DMD: variants seen among roughly 807,000 people sequenced by gnomAD.
The protein encoded by DMD is mutant dystrophin.
A neutral mutation model predicts 330.1 loss-of-function variants in DMD; 63 were observed. The ratio of observed to expected loss-of-function variants is 0.19; its 90% CI spans 0.16 to 0.24. DMD has a LOEUF of 0.24. Ranked by LOEUF, DMD falls within the 10% of genes least tolerant of loss-of-function variation. DMD has a pLI of 1.00. For synonymous variants in DMD, 1,223 were observed against 959.8 expected (o/e 1.27, Z -5.07); for missense variants, 3,344 against 2,684.1 (o/e 1.25, Z -5.43).
intron 30 of DMD, among the ~76,000 whole-genome samples, chrX:32,404,893 T>C (rs1196745756): frequency 9.0e-6 from 1 of 111,435 alleles, no homozygotes; most frequent in Non-Finnish European, 1.9e-5. Context: ...AACATTCTTT[T>C]TGTCTAAATT....
chrX:31,924,881 T>C (rs1357014736), intron 47 of DMD, among the ~76,000 whole-genome samples: 1 of 112,053 alleles, frequency 8.9e-6, no homozygotes, highest in African/African-American at 3.2e-5. Flanking sequence ...ATTTTATGTG[T>C]AGATAGTAAA....
intron 26 of DMD, among the ~76,000 whole-genome samples, chrX:32,452,971 A>AT (rs1159557831): frequency 9.0e-6 from 1 of 110,702 alleles, no homozygotes; most frequent in African/African-American, 3.3e-5. Context: ...TTCCATAAAG[A>AT]TTTTTTTAAG....
chrX:32,685,102 A>C (rs1382801754), intron 9 of DMD, among the ~76,000 whole-genome samples: 1 of 111,588 alleles, frequency 9.0e-6, no homozygotes, highest in Non-Finnish European at 1.9e-5. Context: ...TCTAGGATCA[A>C]GTGGCCAATA....
intron 9 of DMD, among the ~76,000 whole-genome samples, chrX:32,665,972 G>A (rs2061275697): frequency 9.0e-6 from 1 of 111,336 alleles, no homozygotes; most frequent in Non-Finnish European, 1.9e-5. Context: ...TCCAGTGAAT[G>A]ACAGTATGTA....
At chrX:32,672,947 A>T (rs2061722704) in intron 9 of DMD, among the ~76,000 whole-genome samples, 1 of 111,362 alleles carries the variant, frequency 9.0e-6, no homozygotes, top group Non-Finnish European at 1.9e-5. Context: ...ACATAAGCCA[A>T]TAATTCCCAA....
At chrX:31,980,843 A>G (rs907486152) in intron 44 of DMD, among the ~76,000 whole-genome samples, 2 of 112,104 alleles carry the variant, frequency 1.8e-5, no homozygotes, top group Non-Finnish European at 3.8e-5. Flanking sequence ...TTCATCTTAT[A>G]TAAAATTTTA....
rs1160282195 is a variant in DMD at position 32,418,972 on chromosome X, C to CAAAAAA, written c.4072-7065_4072-7060dup. Among the ~76,000 whole-genome samples the CAAAAAA allele has an allele frequency of 8.9e-3, 120 of 13,498 alleles. 12 individuals are homozygous for CAAAAAA. Among genetic ancestry groups the CAAAAAA allele is most frequent in the African/African-American group, 0.025 (112 of 4,474 alleles). 11.7% of individuals were successfully genotyped at this position (13,498 alleles called of 115,157 possible). A position where few individuals can be genotyped will look rare whatever the true frequency, so the allele number is the denominator to read the frequency against. On this transcript the variant is annotated intron_variant, in intron 29 of 78. Transcript: ENST00000357033. Reference sequence around the variant, plus strand: ...TGGGTGACAGAGTGAGACTCTGTCTCAAAAAAAAAAAAAAAAAAAAAAAAA... The same window carrying CAAAAAA: ...TGGGTGACAGAGTGAGACTCTGTCTCAAAAAAAAAAAAAAAAAAAAAAAAAAAAAAA...
At chrX:32,879,114 C>A (rs1489662463) in intron 2 of DMD, among the ~76,000 whole-genome samples, 1 of 111,280 alleles carries the variant, frequency 9.0e-6, no homozygotes. Context: ...GTGTATCAAG[C>A]CTTTTTATTC....
At chrX:33,008,744 AC>A (rs1020161996) in intron 2 of DMD, among the ~76,000 whole-genome samples, 17 of 78,306 alleles carry the variant, frequency 2.2e-4, no homozygotes, top group African/African-American at 8.1e-4. Context: ...ATATATATAT[AC>A]ATCAGATAAG....
chrX:32,717,423 G>C (rs1427727911), intron 7 of DMD, among the ~76,000 whole-genome samples: 1 of 111,750 alleles, frequency 8.9e-6, no homozygotes, highest in Non-Finnish European at 1.9e-5. Context: ...CTTCCATGTG[G>C]TGTTAATCCT....
intron 60 of DMD, among the ~76,000 whole-genome samples, chrX:31,375,330 T>C (rs2059831994): frequency 9.0e-6 from 1 of 111,726 alleles, no homozygotes; most frequent in East Asian, 2.8e-4. Flanking sequence ...TGCGCAGTCA[T>C]GCCCCTTTCA....
intron 16 of DMD, among the ~76,000 whole-genome samples, chrX:32,560,584 T>C (rs1310332911): frequency 9.0e-6 from 1 of 110,990 alleles, no homozygotes; most frequent in Admixed American, 9.7e-5. Context: ...TTTTTCCTGA[T>C]GCTCTCCTCC....
At chrX:33,282,331 C>A (rs926488619) in intron 1 of DMD, among the ~76,000 whole-genome samples, 2 of 111,750 alleles carry the variant, frequency 1.8e-5, no homozygotes, top group Non-Finnish European at 3.8e-5. Context: ...CTATTGGGAA[C>A]AGACAGTGCT....
At chrX:31,416,231 A>G (rs2061865495) in intron 60 of DMD, among the ~76,000 whole-genome samples, 2 of 112,062 alleles carry the variant, frequency 1.8e-5, no homozygotes, top group African/African-American at 6.5e-5. Flanking sequence ...CTACTACTAT[A>G]TATCTCTGTG....
chrX:33,106,781 A>C (rs1405861784), intron 1 of DMD, among the ~76,000 whole-genome samples: 1 of 111,873 alleles, frequency 8.9e-6, no homozygotes, highest in Non-Finnish European at 1.9e-5. Flanking sequence ...TGTGGCTGAC[A>C]GGCATTAGAA....
intron 60 of DMD, among the ~76,000 whole-genome samples, chrX:31,374,882 G>A (rs66653182): frequency 0.047 from 5,171 of 111,037 alleles, 308 homozygotes; most frequent in African/African-American, 0.16. Context: ...AGTAGACACC[G>A]TGGCGCTCCA....
chrX:31,435,790 T>C (rs979797357), intron 60 of DMD: 2 of 111,538 alleles, frequency 1.8e-5, no homozygotes, highest in Non-Finnish European at 1.9e-5. Context: ...GTGTTTCACA[T>C]GCAGCGCAGC....
intron 62 of DMD, among the ~76,000 whole-genome samples, chrX:31,314,939 G>A (rs1371840297): frequency 9.0e-6 from 1 of 111,357 alleles, no homozygotes. Flanking sequence ...CCAGGTCAGT[G>A]TTCAAAGGAC....
At chrX:32,245,882 T>C (rs1190579538) in intron 43 of DMD, among the ~76,000 whole-genome samples, 4,017 of 101,186 alleles carry the variant, frequency 0.04, 99 homozygotes, top group Non-Finnish European at 0.061. Context: ...TGGGGTTTTC[T>C]AGATAAACAA....
Sources: allele counts gnomAD v4.1 joint callset (sites outside exome capture counted in the v4.1 genomes callset), GRCh38; gene constraint gnomAD v4.1.1; transcripts MANE v1.5; gene names NCBI Gene and HGNC (gene_info 2026-07-23, HGNC 2026-07-21).